The following JMJD1C variants were observed in gnomAD, a reference collection of about 807,000 sequenced individuals.
The protein encoded by JMJD1C is jumonji domain containing 1C, also known as jumonji domain-containing protein 1C.
A neutral mutation model predicts 245.3 loss-of-function variants in JMJD1C; 31 were observed. The ratio of observed to expected loss-of-function variants is 0.13; its 90% CI spans 0.09 to 0.17. The LOEUF is 0.17. Ranked by LOEUF, JMJD1C falls within the 10% of genes least tolerant of loss-of-function variation. The pLI, the probability that JMJD1C is intolerant of heterozygous loss-of-function variation, is 1.00. For synonymous variants in JMJD1C, 1,057 were observed against 1,017.4 expected (o/e 1.04, Z -0.74); for missense variants, 2,691 against 3,000.2 (o/e 0.90, Z 2.41).
At chr10:63,312,160 T>A (rs1329390086) in intron 2 of JMJD1C, among the ~76,000 whole-genome samples, 2 of 140,780 alleles carry the variant, frequency 1.4e-5, no homozygotes, top group African/African-American at 5.3e-5. Context: ...CAGGCTGGAG[T>A]GCAATGGCAC....
chr10:63,428,075 ATATT>A, intron 1 of JMJD1C: 1 of 496,440 alleles, frequency 2.0e-6, no homozygotes, highest in Non-Finnish European at 3.6e-6. Context: ...ACATATATAT[ATATT>A]AAGACAGCTG....
chr10:63,264,502 A>G (rs1254566590), intron 3 of JMJD1C, 149 bp downstream of exon 3: 2 of 533,030 alleles, frequency 3.8e-6, no homozygotes, highest in South Asian at 5.3e-5. Context: ...TTATCCTATA[A>G]GCAAAATCAA....
At chr10:63,284,035 T>C (rs117452816) in intron 2 of JMJD1C, among the ~76,000 whole-genome samples, 7,288 of 152,022 alleles carry the variant, frequency 0.048, 232 homozygotes, top group Middle Eastern at 0.085. Flanking sequence ...TTTTTGTTTT[T>C]TGGGAGGGGG....
At chr10:63,459,819 C>A (rs1322276149) in intron 1 of JMJD1C, among the ~76,000 whole-genome samples, 2 of 152,144 alleles carry the variant, frequency 1.3e-5, no homozygotes, top group African/African-American at 2.4e-5. Context: ...CAGACTTAAA[C>A]CTTAAGTAAA....
chr10:63,490,417 A>AT (rs113478578), intron 1 of JMJD1C, among the ~76,000 whole-genome samples: 10,975 of 118,412 alleles, frequency 0.093, 512 homozygotes, highest in South Asian at 0.13. Flanking sequence ...TTATTTATTT[A>AT]TTTTATTTTT....
chr10:63,291,381 C>G (rs1338952204), intron 2 of JMJD1C, among the ~76,000 whole-genome samples: 1 of 148,078 alleles, frequency 6.8e-6, no homozygotes, highest in Non-Finnish European at 1.5e-5. Context: ...CTTTGGGAGG[C>G]CAAGGTGGGC....
rs117800382 is a variant in JMJD1C, at chr10:63,376,010, C to T, written c.333+4308G>A. ...CTATCCTGAGAAAGAAGAAAGTTGA[C>T]GGAAAAACATTTCCTGATTTCACAA... On this transcript the variant is annotated intron_variant, in intron 2 of 25. Coordinates refer to ENST00000399262, the MANE Select transcript of JMJD1C (RefSeq NM_032776.3). Among the ~76,000 whole-genome samples the T allele has an allele frequency of 4.7e-4, 71 of 152,210 alleles. No individual in the cohort carries two copies. In the East Asian group the frequency reaches 0.011, roughly 24 times the overall value.
intron 2 of JMJD1C, among the ~76,000 whole-genome samples, chr10:63,318,525 A>AT (rs1309983310): frequency 1.7e-4 from 26 of 152,162 alleles, no homozygotes; most frequent in African/African-American, 6.3e-4. Flanking sequence ...TCATTCTGTC[A>AT]TTATTGCATC....
At chr10:63,411,365 C>A (rs994886742) in intron 1 of JMJD1C, among the ~76,000 whole-genome samples, 8 of 137,722 alleles carry the variant, frequency 5.8e-5, no homozygotes, top group Non-Finnish European at 1.2e-4. Context: ...GTGGCCCAAT[C>A]TTGGCTCACT....
chr10:63,228,875 AGCCTTCCAAATAT>A (rs1443800875), intron 3 of JMJD1C, among the ~76,000 whole-genome samples: 2 of 152,214 alleles, frequency 1.3e-5, no homozygotes, highest in African/African-American at 4.8e-5. Context: ...GACAATGCTT[AGCCTTCCAAATAT>A]AACAATATAC....
In JMJD1C at chr10:63,504,046, T is replaced by C. The variant is rs12257620; in HGVS notation, n.113+17692A>G. Among the ~76,000 whole-genome samples, 678 of 152,340 alleles carry C rather than the reference T, an allele frequency of 4.5e-3. 5 individuals are homozygous for C. The highest frequency in any genetic ancestry group is 0.016 in the African/African-American group (655 of 41,588). ...CATGACACCCTTAAACTGATCATTC[T>C]GTTATGGCTGATTTTGGTTGAGGTA... On this transcript the variant is annotated intron_variant and non_coding_transcript_variant, in intron 1 of 3. Transcript: ENST00000633035.
intron 1 of JMJD1C, among the ~76,000 whole-genome samples, chr10:63,441,858 C>A (rs1012649993): frequency 6.6e-6 from 1 of 152,146 alleles, no homozygotes; most frequent in Non-Finnish European, 1.5e-5. Flanking sequence ...TTAATAAATA[C>A]CTTTGTATTC....
intron 2 of JMJD1C, among the ~76,000 whole-genome samples, chr10:63,377,409 C>T (rs999917319): frequency 6.6e-6 from 1 of 152,106 alleles, no homozygotes; most frequent in Non-Finnish European, 1.5e-5. Flanking sequence ...ATGTTAAGTA[C>T]ATTTTACCAC....
chr10:63,406,030 C>T (rs954079554), intron 1 of JMJD1C, among the ~76,000 whole-genome samples: 3 of 152,116 alleles, frequency 2.0e-5, no homozygotes, highest in Non-Finnish European at 2.9e-5. Flanking sequence ...AAGCCCATTG[C>T]CTGCATAAAT....
intron 3 of JMJD1C, among the ~76,000 whole-genome samples, chr10:63,251,302 C>A (rs1035124960): frequency 6.6e-6 from 1 of 152,026 alleles, no homozygotes; most frequent in African/African-American, 2.4e-5. Flanking sequence ...TGAAAAAGCA[C>A]TGGGTATTTT....
intron 1 of JMJD1C, among the ~76,000 whole-genome samples, chr10:63,441,844 C>CT (rs1564923911): frequency 6.6e-6 from 1 of 152,172 alleles, no homozygotes; most frequent in Non-Finnish European, 1.5e-5. Flanking sequence ...CTATTATAAT[C>CT]ACCTTAATAA....
intron 1 of JMJD1C, among the ~76,000 whole-genome samples, chr10:63,494,668 A>G (rs1254462138): frequency 1.3e-5 from 2 of 152,254 alleles, no homozygotes; most frequent in Admixed American, 1.3e-4. Flanking sequence ...TCCTATCAAA[A>G]TACATGGACA....
At chr10:63,185,979 A>G (rs1589086751) in intron 19 of JMJD1C, among the ~76,000 whole-genome samples, 3 of 152,342 alleles carry the variant, frequency 2.0e-5, no homozygotes, top group East Asian at 3.9e-4. Flanking sequence ...AAGCTTATGG[A>G]ACTGCCAAAC....
chr10:63,180,993 C>A lies in JMJD1C; in HGVS notation c.7084+2454G>T, dbSNP rs1049860831. Among the ~76,000 whole-genome samples the A allele has an allele frequency of 5.3e-5, 8 of 152,024 alleles. No homozygotes were observed. In the East Asian group the frequency reaches 1.5e-3, roughly 29 times the overall value. The stretch of plus-strand genomic sequence containing the variant: ...CCGTTTTAGCTGGGATGGTCTCGAT[C>A]TCCTGACCTCGTGATCCGCCCGCCT... On this transcript the variant is annotated intron_variant, in intron 22 of 25. Transcript: ENST00000399262.
Sources: allele counts gnomAD v4.1 joint callset (sites outside exome capture counted in the v4.1 genomes callset), GRCh38; gene constraint gnomAD v4.1.1; transcripts MANE v1.5; gene names NCBI Gene and HGNC (gene_info 2026-07-23, HGNC 2026-07-21).